Variants in FIBIN observed in about 807,000 individuals in gnomAD.
FIBIN encodes fin bud initiation factor homolog, also known as fin bud initiation factor homolog (zebrafish).
In FIBIN, 8 loss-of-function variants were observed where a neutral mutation model predicts 13.0. The ratio of observed to expected loss-of-function variants is 0.62; its 90% CI spans 0.36 to 1.11. The LOEUF (loss-of-function observed/expected upper bound fraction) is 1.11, where lower values mean the gene tolerates loss of function less well. FIBIN is among the 50% of genes most tolerant of loss of function. The pLI is 0.02. For missense variants in FIBIN, 261 were observed against 260.2 expected, an observed-to-expected ratio of 1.00 and a Z score of -0.02; for synonymous variants, 127 against 114.7, an observed-to-expected ratio of 1.11 and a Z score of -0.69.
In FIBIN at chr11:26,996,495, G is replaced by C. The variant is rs1262415637; in HGVS notation, c.*1333G>C. Reference sequence around the variant, plus strand: ...CAGTGATGTTTAATTTTGAAGCCAGGTCTACATTATTTAATTAATGGCTTC... The same window carrying C: ...CAGTGATGTTTAATTTTGAAGCCAGCTCTACATTATTTAATTAATGGCTTC... On this transcript the variant is annotated 3_prime_UTR_variant, in exon 1 of 1. Coordinates refer to ENST00000318627, the MANE Select transcript of FIBIN (RefSeq NM_203371.2). Among the ~76,000 whole-genome samples the C allele has an allele frequency of 6.6e-6, 1 of 152,046 alleles. No homozygotes were observed. The highest frequency in any genetic ancestry group is 1.5e-5 in the Non-Finnish European group (1 of 68,026).
At position 26,994,764 on chromosome 11, in the gene FIBIN, C is replaced by G. The variant is rs749131148; in HGVS notation, c.238C>G (p.Leu80Val). The change falls in exon 1 of 1, where the codon CTG becomes GTG. Residue 80 changes from leucine to valine, a missense_variant. By Grantham distance (32) the Leu-to-Val change is conservative (BLOSUM62 1). Coordinates refer to ENST00000318627, the MANE Select transcript of FIBIN (RefSeq NM_203371.2). ...SQVGSLLSLTLREEFTVLGRQ... is the reference protein window; with the variant it reads ...SQVGSLLSLTVREEFTVLGRQ... The stretch of plus-strand genomic sequence containing the variant: ...GGTTGGCAGCCTGCTGAGCCTCACC[C>G]TGCGGGAGGAGTTCACCGTGCTGGG... 1.3e-5 allele frequency: 21 copies of G among 1,612,804 alleles called. No individual in the cohort carries two copies. The highest frequency in any genetic ancestry group is 1.0e-5 in the Non-Finnish European group (12 of 1,179,430).
At position 26,994,960 on chromosome 11, in the gene FIBIN, A is replaced by G. The variant is rs1850909205; in HGVS notation, c.434A>G (p.Lys145Arg). ...KSLTELESKF[K>R]QGQEQDSRQE... ...CTCACTGAGCTGGAGAGCAAGTTCA[A>G]GCAGGGCCAGGAACAGGACAGCCGG... The change falls in exon 1 of 1, where the codon AAG becomes AGG. Residue 145 changes from lysine (K) to arginine (R), a missense_variant. Coordinates refer to ENST00000318627, the MANE Select transcript of FIBIN (RefSeq NM_203371.2). The G allele has an allele frequency of 4.3e-6, 7 of 1,613,450 alleles. No homozygotes were observed. Among genetic ancestry groups the G allele is most frequent in the Non-Finnish European group, 8.5e-7 (1 of 1,179,668 alleles).
In FIBIN at chr11:26,995,458, C is replaced by A; in HGVS notation, c.*296C>A. 1 of 291,714 alleles carries A rather than the reference C, an allele frequency of 3.4e-6. No individual in the cohort carries two copies. Among genetic ancestry groups the A allele is most frequent in the Non-Finnish European group, 6.7e-6 (1 of 148,770 alleles). The allele number at this position is 291,714 out of a possible 1,614,324, so 18.1% of individuals were successfully genotyped here. ...GGGTTTCTAATTCTGCAGAGACACC[C>A]GTTTCAGCCACATCTAAAAGAGCAC... On this transcript the variant is annotated 3_prime_UTR_variant, in exon 1 of 1. Transcript: ENST00000318627.
rs750103673 is a variant in FIBIN at position 26,994,878 on chromosome 11, T to C, written c.352T>C (p.Tyr118His). ...DLDGEESYGK[Y>H]LRRESHQIGD... is the part of the protein sequence containing the mutation. The stretch of plus-strand genomic sequence containing the variant: ...AGACGGGGAAGAGAGCTATGGCAAG[T>C]ACCTGCGGCGGGAGTCCCACCAGAT... The change falls in exon 1 of 1, where the codon TAC (tyrosine) becomes CAC (histidine). Residue 118 changes from tyrosine (Y) to histidine (H), a missense_variant. Tyr to His is a moderately conservative substitution (Grantham distance 83). Coordinates refer to ENST00000318627, the MANE Select transcript of FIBIN (RefSeq NM_203371.2). 54 of 1,599,818 alleles carry C rather than the reference T, an allele frequency of 3.4e-5. No homozygotes were observed. Among genetic ancestry groups the C allele is most frequent in the Non-Finnish European group, 4.2e-5 (49 of 1,172,556 alleles).
chr11:26,996,200 G>A lies in FIBIN; in HGVS notation c.*1038G>A, dbSNP rs755472559. The A allele has an allele frequency of 6.0e-6, 1 of 166,880 alleles. No individual in the cohort carries two copies. The highest frequency in any genetic ancestry group is 6.5e-5 in the Admixed American group (1 of 15,290). The allele number at this position is 166,880 out of a possible 1,614,324, so 10.3% of individuals were successfully genotyped here. On this transcript the variant is annotated 3_prime_UTR_variant, in exon 1 of 1. Transcript: ENST00000318627. The stretch of plus-strand genomic sequence containing the variant: ...CAATGCAAAAGGAGAGAGAAGGACT[G>A]GATTTAAGCCAGTTTACTTAGAGTA...
chr11:26,994,794 C>T lies in FIBIN; in HGVS notation c.268C>T (p.Gln90Ter). Residue 90 changes from glutamine to a stop codon, truncating the protein, a stop_gained, in exon 1 of 1, where the codon CAG (glutamine) becomes TAG (stop). Transcript: ENST00000318627. LOFTEE classifies it high-confidence loss of function. Reference sequence around the variant, plus strand: ...GGAGGAGTTCACCGTGCTGGGCCGCCAGGTGGAGGATGCTGGGCGCGTGCT... The same window carrying T: ...GGAGGAGTTCACCGTGCTGGGCCGCTAGGTGGAGGATGCTGGGCGCGTGCT... ...LREEFTVLGR[Q>*]VEDAGRVLEG... is the part of the protein sequence containing the mutation. The T allele has an allele frequency of 6.2e-7, 1 of 1,608,964 alleles. No homozygotes were observed. The highest frequency in any genetic ancestry group is 8.5e-7 in the Non-Finnish European group (1 of 1,176,778).
Position 26,995,215 on chromosome 11 carries a change from G to A in FIBIN, c.*53G>A, listed in dbSNP as rs1163717761. ...GGAATCAAATCAGCCCCGTTTTGGA[G>A]GGTGGGGGACAGAAGATGGGGCTAC... On this transcript the variant is annotated 3_prime_UTR_variant, in exon 1 of 1. Coordinates refer to ENST00000318627, the MANE Select transcript of FIBIN (RefSeq NM_203371.2). 2.0e-6 allele frequency: 3 copies of A among 1,526,006 alleles called. No homozygotes were observed. Among genetic ancestry groups the A allele is most frequent in the South Asian group, 2.6e-5 (2 of 76,856 alleles). The allele number at this position is 1,526,006 out of a possible 1,614,324, so 94.5% of individuals were successfully genotyped here. A position where few individuals can be genotyped will look rare whatever the true frequency, so the allele number is the denominator to read the frequency against.
In FIBIN at chr11:26,996,069, A is replaced by G. The variant is rs973472858; in HGVS notation, c.*907A>G. 1.8e-5 allele frequency: 3 copies of G among 166,858 alleles called. No individual in the cohort carries two copies. The highest frequency in any genetic ancestry group is 4.4e-5 in the Non-Finnish European group (3 of 68,124). The allele number at this position is 166,858 out of a possible 1,614,324, so 10.3% of individuals were successfully genotyped here. A position where few individuals can be genotyped will look rare whatever the true frequency, so the allele number is the denominator to read the frequency against. On this transcript the variant is annotated 3_prime_UTR_variant, in exon 1 of 1. Transcript: ENST00000318627. ...TCAAGTAGGGGGAATCCTAATTCTA[A>G]TAACTCCTTAGCTAAGTTTTATTAT...
Position 26,994,775 on chromosome 11 carries a change from G to A in FIBIN, c.249G>A (p.Glu83=), listed in dbSNP as rs370917434. The change falls in exon 1 of 1, where the codon GAG becomes GAA. Residue 83 remains glutamate (E), a synonymous_variant. Transcript: ENST00000318627. ...TGCTGAGCCTCACCCTGCGGGAGGA[G>A]TTCACCGTGCTGGGCCGCCAGGTGG... The part of the protein sequence containing the change: ...GSLLSLTLRE[E]FTVLGRQVED... The A allele has an allele frequency of 2.5e-6, 4 of 1,612,472 alleles. No individual in the cohort carries two copies. The highest frequency in any genetic ancestry group is 1.1e-5 in the South Asian group (1 of 90,990).
At position 26,994,884 on chromosome 11, in the gene FIBIN, C is replaced by G; in HGVS notation, c.358C>G (p.Arg120Gly). Reference protein sequence around the residue: ...DGEESYGKYLRRESHQIGDAY... With the variant: ...DGEESYGKYLGRESHQIGDAY... Reference sequence around the variant, plus strand: ...GGAAGAGAGCTATGGCAAGTACCTGCGGCGGGAGTCCCACCAGATCGGGGA... The same window carrying G: ...GGAAGAGAGCTATGGCAAGTACCTGGGGCGGGAGTCCCACCAGATCGGGGA... Residue 120 changes from arginine (R) to glycine (G), a missense_variant, in exon 1 of 1, where the codon CGG (arginine) becomes GGG (glycine). Coordinates refer to ENST00000318627, the MANE Select transcript of FIBIN (RefSeq NM_203371.2). 6.3e-7 allele frequency: 1 copy of G among 1,599,024 alleles called. No homozygotes were observed. Among genetic ancestry groups the G allele is most frequent in the Non-Finnish European group, 8.5e-7 (1 of 1,172,068 alleles).
chr11:26,996,544 T>C lies in FIBIN; in HGVS notation c.*1382T>C, dbSNP rs1379899948. Among the ~76,000 whole-genome samples, 1 of 152,172 alleles carries C rather than the reference T, an allele frequency of 6.6e-6. No individual in the cohort carries two copies. Among genetic ancestry groups the C allele is most frequent in the Non-Finnish European group, 1.5e-5 (1 of 68,030 alleles). ...TCAAAAGGTGGAGATGCACTTTATT[T>C]AATGTCTTTCCCTAGCTAATTCTTA... On this transcript the variant is annotated 3_prime_UTR_variant, in exon 1 of 1. Coordinates refer to ENST00000318627, the MANE Select transcript of FIBIN (RefSeq NM_203371.2).
At position 26,995,629 on chromosome 11, in the gene FIBIN, T is replaced by TC. The variant is rs1252504735; in HGVS notation, c.*468dup. On this transcript the variant is annotated 3_prime_UTR_variant, in exon 1 of 1. Coordinates refer to ENST00000318627, the MANE Select transcript of FIBIN (RefSeq NM_203371.2). ...CAGTTGCCTGTTTTTCAAATGAGGT[T>TC]CAAGGTGCTGCTTTGCATGCCTGCC... 1 of 168,334 alleles carries TC rather than the reference T, an allele frequency of 5.9e-6. No individual in the cohort carries two copies. Among genetic ancestry groups the TC allele is most frequent in the Non-Finnish European group, 1.4e-5 (1 of 69,076 alleles). The allele number at this position is 168,334 out of a possible 1,614,324, so 10.4% of individuals were successfully genotyped here. A position where few individuals can be genotyped will look rare whatever the true frequency, so the allele number is the denominator to read the frequency against.
In FIBIN at chr11:26,994,395, A is replaced by T. The variant is rs1423966804; in HGVS notation, c.-132A>T. On this transcript the variant is annotated 5_prime_UTR_variant, in exon 1 of 1. Coordinates refer to ENST00000318627, the MANE Select transcript of FIBIN (RefSeq NM_203371.2). Reference sequence around the variant, plus strand: ...TGAAGCCTGCTGGGGACTGGGGGCCAGGGAGCAGCAAGCCAGCTGGGACTG... The same window carrying T: ...TGAAGCCTGCTGGGGACTGGGGGCCTGGGAGCAGCAAGCCAGCTGGGACTG... 23 of 838,996 alleles carry T rather than the reference A, an allele frequency of 2.7e-5. No individual in the cohort carries two copies. Among genetic ancestry groups the T allele is most frequent in the Non-Finnish European group, 5.5e-6 (3 of 546,114 alleles). The allele number at this position is 838,996 out of a possible 1,614,324, so 52.0% of individuals were successfully genotyped here. A position where few individuals can be genotyped will look rare whatever the true frequency, so the allele number is the denominator to read the frequency against.
chr11:26,994,591 GC>G lies in FIBIN; in HGVS notation c.70del (p.Leu24SerfsTer35), dbSNP rs1850902319. ...FCHLCQGYFD[G>X]PLYPEMSNGT... ...CACCTGTGTCAAGGCTACTTCGATG[GC>G]CCCCTCTACCCAGAGATGTCCAATG... On this transcript the variant is annotated frameshift_variant, in exon 1 of 1. Transcript: ENST00000318627. LOFTEE classifies it high-confidence loss of function. 5.6e-6 allele frequency: 9 copies of G among 1,613,580 alleles called. No homozygotes were observed. The highest frequency in any genetic ancestry group is 7.6e-6 in the Non-Finnish European group (9 of 1,179,706).
In FIBIN at chr11:26,994,525, G is replaced by C; in HGVS notation, c.-2G>C. On this transcript the variant is annotated 5_prime_UTR_variant, in exon 1 of 1. Coordinates refer to ENST00000318627, the MANE Select transcript of FIBIN (RefSeq NM_203371.2). ...GGTCCCTGGCCATCCTGAATATCCA[G>C]AATGGTGTTTCTGAAGTTCTTCTGC... 1 of 1,600,178 alleles carries C rather than the reference G, an allele frequency of 6.2e-7. No individual in the cohort carries two copies.
At position 26,995,204 on chromosome 11, in the gene FIBIN, C is replaced by T. The variant is rs1195134313; in HGVS notation, c.*42C>T. ...GCTAGAAAGAGGGAATCAAATCAGC[C>T]CCGTTTTGGAGGGTGGGGGACAGAA... On this transcript the variant is annotated 3_prime_UTR_variant, in exon 1 of 1. Coordinates refer to ENST00000318627, the MANE Select transcript of FIBIN (RefSeq NM_203371.2). 2 of 1,541,242 alleles carry T rather than the reference C, an allele frequency of 1.3e-6. No homozygotes were observed. Among genetic ancestry groups the T allele is most frequent in the Admixed American group, 4.0e-5 (2 of 50,000 alleles).
rs902469109 is a variant in FIBIN at position 26,994,888 on chromosome 11, G to A, written c.362G>A (p.Arg121Gln). The A allele has an allele frequency of 2.5e-6, 4 of 1,600,324 alleles. No individual in the cohort carries two copies. Among genetic ancestry groups the A allele is most frequent in the Non-Finnish European group, 3.4e-6 (4 of 1,172,610 alleles). The change falls in exon 1 of 1, where the codon CGG (arginine) becomes CAG (glutamine). Residue 121 changes from arginine (R) to glutamine (Q), a missense_variant. Arg to Gln is a conservative substitution (Grantham distance 43). Coordinates refer to ENST00000318627, the MANE Select transcript of FIBIN (RefSeq NM_203371.2). ...GAGAGCTATGGCAAGTACCTGCGGC[G>A]GGAGTCCCACCAGATCGGGGATGCC... Reference protein sequence around the residue: ...GEESYGKYLRRESHQIGDAYS... With the variant: ...GEESYGKYLRQESHQIGDAYS...
At position 26,996,222 on chromosome 11, in the gene FIBIN, A is replaced by C. The variant is rs938436398; in HGVS notation, c.*1060A>C. On this transcript the variant is annotated 3_prime_UTR_variant, in exon 1 of 1. Transcript: ENST00000318627. Reference sequence around the variant, plus strand: ...ACTGGATTTAAGCCAGTTTACTTAGAGTATATGATAAAGAAGGCAGAGGAA... The same window carrying C: ...ACTGGATTTAAGCCAGTTTACTTAGCGTATATGATAAAGAAGGCAGAGGAA... 4 of 166,924 alleles carry C rather than the reference A, an allele frequency of 2.4e-5. No individual in the cohort carries two copies. Among genetic ancestry groups the C allele is most frequent in the African/African-American group, 9.6e-5 (4 of 41,460 alleles). The allele number at this position is 166,924 out of a possible 1,614,324, so 10.3% of individuals were successfully genotyped here. A position where few individuals can be genotyped will look rare whatever the true frequency, so the allele number is the denominator to read the frequency against.
chr11:26,994,958 C>T lies in FIBIN; in HGVS notation c.432C>T (p.Phe144=). Reference sequence around the variant, plus strand: ...CCCTCACTGAGCTGGAGAGCAAGTTCAAGCAGGGCCAGGAACAGGACAGCC... The same window carrying T: ...CCCTCACTGAGCTGGAGAGCAAGTTTAAGCAGGGCCAGGAACAGGACAGCC... ...DKSLTELESK[F]KQGQEQDSRQ... The change falls in exon 1 of 1, where the codon TTC becomes TTT. Residue 144 remains phenylalanine (F), a synonymous_variant. Coordinates refer to ENST00000318627, the MANE Select transcript of FIBIN (RefSeq NM_203371.2). 1 of 1,613,268 alleles carries T rather than the reference C, an allele frequency of 6.2e-7. No homozygotes were observed. Among genetic ancestry groups the T allele is most frequent in the South Asian group, 1.1e-5 (1 of 90,962 alleles).
Sources: gnomAD v4.1 joint callset for allele counts (sites outside exome capture counted in the v4.1 genomes callset) on GRCh38, gnomAD v4.1.1 for gene constraint, MANE v1.5 for transcripts, NCBI Gene and HGNC (gene_info 2026-07-23, HGNC 2026-07-21) for gene names.